The following LRRC4C variants were observed in gnomAD, a reference collection of about 807,000 sequenced individuals.
LRRC4C encodes the protein leucine-rich repeat-containing protein 4C.
A neutral mutation model predicts 33.6 loss-of-function variants in LRRC4C; 5 were observed. The observed-to-expected ratio is 0.15, with a 90% CI of 0.08 to 0.31. The LOEUF is 0.31. LRRC4C is among the 10% of genes least tolerant of loss of function. The probability of loss-of-function intolerance (pLI) is 1.00; values close to 1 mark genes in which losing one functional copy is unlikely to be tolerated. For synonymous variants in LRRC4C, 329 were observed against 302.0 expected (o/e 1.09, Z -0.93); for missense variants, 560 against 796.7 (o/e 0.70, Z 3.58).
At chr11:40,470,724 C>T (rs115417797) in intron 3 of LRRC4C, among the ~76,000 whole-genome samples, 2,531 of 152,094 alleles carry the variant, frequency 0.017, 87 homozygotes, top group African/African-American at 0.057. Context: ...CAGCACGAGA[C>T]CTTTGTGAAG....
rs34208575 is a variant in LRRC4C, at chr11:40,736,860, G to GT, written c.-406-88583dup. Among the ~76,000 whole-genome samples the GT allele has an allele frequency of 4.4e-3, 624 of 142,472 alleles. 5 individuals are homozygous for GT. Among genetic ancestry groups the GT allele is most frequent in the Non-Finnish European group, 6.6e-3 (429 of 65,454 alleles). 93.5% of individuals were successfully genotyped at this position (142,472 alleles called of 152,430 possible). ...ACTTTGCCCACTTTTTGATGCGGTT[G>GT]TTTTTTTTTTTTTTGTAAATTTGTT... On this transcript the variant is annotated intron_variant, in intron 2 of 6. Transcript: ENST00000528697.
intron 6 of LRRC4C, among the ~76,000 whole-genome samples, chr11:40,127,131 G>T (rs1856304420): frequency 6.6e-6 from 1 of 151,526 alleles, no homozygotes; most frequent in South Asian, 2.1e-4. Context: ...ACAAAAAGTA[G>T]CTGGGCATGG....
chr11:40,759,078 A>G (rs892524309), intron 2 of LRRC4C, among the ~76,000 whole-genome samples: 1 of 147,924 alleles, frequency 6.8e-6, no homozygotes, highest in Non-Finnish European at 1.5e-5. Context: ...GACACAGTTT[A>G]CATATATTAT....
chr11:41,116,272 G>A (rs530512327), intron 1 of LRRC4C, among the ~76,000 whole-genome samples: 2 of 152,124 alleles, frequency 1.3e-5, no homozygotes, highest in South Asian at 2.1e-4. Context: ...GAAGCCTCAG[G>A]TTTTTCAGCT....
At chr11:40,631,750 A>T (rs1963497885) in intron 3 of LRRC4C, among the ~76,000 whole-genome samples, 1 of 152,200 alleles carries the variant, frequency 6.6e-6, no homozygotes. Flanking sequence ...AAAGTAGTTT[A>T]ATTAGTATAG....
chr11:41,390,050 G>C lies in LRRC4C; in HGVS notation c.-496+69381C>G, dbSNP rs570340059. ...TCTGTTTTTATCCTGTTCTGAGTAT[G>C]TCTATCCAGAACTTGCATTTTAAAA... On this transcript the variant is annotated intron_variant, in intron 1 of 6. Transcript: ENST00000528697. Among the ~76,000 whole-genome samples the C allele has an allele frequency of 1.3e-3, 194 of 151,978 alleles. 1 individual carries two copies. Among genetic ancestry groups the C allele is most frequent in the African/African-American group, 4.5e-3 (186 of 41,510 alleles).
At chr11:41,024,173 C>T (rs1229268290) in intron 1 of LRRC4C, among the ~76,000 whole-genome samples, 2 of 151,490 alleles carry the variant, frequency 1.3e-5, no homozygotes, top group East Asian at 3.9e-4. Context: ...ATGTTAGTTT[C>T]CTCAACACTC....
rs1565274752 is a variant in LRRC4C, at chr11:40,987,681, T to TATATATATATG, written c.-495-53959_-495-53958insCATATATATAT. On this transcript the variant is annotated intron_variant, in intron 1 of 6. Transcript: ENST00000528697. ...ATATATATGAGATATAAATGATATA[T>TATATATATATG]ATATATATATCTCATATATATGAGA... 1.3e-3 allele frequency among the ~76,000 whole-genome samples: 97 copies of TATATATATATG among 74,628 alleles called. 5 individuals are homozygous for TATATATATATG. The highest frequency in any genetic ancestry group is 0.012 in the Admixed American group (88 of 7,134). The allele number at this position is 74,628 out of a possible 152,430, so 49.0% of individuals were successfully genotyped here.
chr11:40,953,651 A>G (rs1172698562), intron 1 of LRRC4C, among the ~76,000 whole-genome samples: 1 of 151,866 alleles, frequency 6.6e-6, no homozygotes, highest in African/African-American at 2.4e-5. Context: ...GATGTTCATT[A>G]CATCAAAAAT....
rs367655116 is a variant in LRRC4C at position 40,832,298 on chromosome 11, T to G, written c.-407+101337A>C. ...CATCATATATGCAGTCCATCATTGG[T>G]TGAAATGTCATTATGTGGTGCATGC... is the stretch of plus-strand genomic sequence containing the variant. On this transcript the variant is annotated intron_variant, in intron 2 of 6. Transcript: ENST00000528697. Among the ~76,000 whole-genome samples, 29 of 152,280 alleles carry G rather than the reference T, an allele frequency of 1.9e-4. No homozygotes were observed. The South Asian group carries it at 5.2e-3, about 27-fold the overall frequency.
At chr11:40,557,346 C>T (rs1481642109) in intron 3 of LRRC4C, among the ~76,000 whole-genome samples, 1 of 151,984 alleles carries the variant, frequency 6.6e-6, no homozygotes, top group Non-Finnish European at 1.5e-5. Context: ...TCTTCGAGTT[C>T]CTTGTATGAA....
chr11:40,785,583 G>T (rs533915834), intron 2 of LRRC4C, among the ~76,000 whole-genome samples: 2 of 152,208 alleles, frequency 1.3e-5, no homozygotes, highest in African/African-American at 4.8e-5. Context: ...TTATACATAG[G>T]AATCAGACAC....
At chr11:41,115,069 A>T (rs1423289756) in intron 1 of LRRC4C, among the ~76,000 whole-genome samples, 4 of 152,062 alleles carry the variant, frequency 2.6e-5, no homozygotes, top group African/African-American at 9.7e-5. Flanking sequence ...TTTCTCTCTG[A>T]TATATGCTTG....
chr11:41,202,789 T>A (rs976689952), intron 1 of LRRC4C, among the ~76,000 whole-genome samples: 36 of 86,576 alleles, frequency 4.2e-4, no homozygotes, highest in Admixed American at 1.5e-3. Context: ...TGAAAACCGA[T>A]TTTTTTTTTT....
At chr11:40,473,359 T>C (rs1214298595) in intron 3 of LRRC4C, among the ~76,000 whole-genome samples, 2 of 152,166 alleles carry the variant, frequency 1.3e-5, no homozygotes, top group African/African-American at 4.8e-5. Flanking sequence ...AACCACATGA[T>C]TATCTCAATA....
At chr11:40,870,778 A>G (rs1325165952) in intron 2 of LRRC4C, among the ~76,000 whole-genome samples, 1 of 152,178 alleles carries the variant, frequency 6.6e-6, no homozygotes, top group Non-Finnish European at 1.5e-5. Context: ...TTTGTAGAGC[A>G]TGTGTGTTTG....
At chr11:40,433,562 ATAGT>A (rs1951021443) in intron 3 of LRRC4C, among the ~76,000 whole-genome samples, 1 of 152,174 alleles carries the variant, frequency 6.6e-6, no homozygotes, top group Non-Finnish European at 1.5e-5. Context: ...AAAAAATTAG[ATAGT>A]TACTAACTCT....
chr11:41,178,223 C>T (rs1475909660), intron 1 of LRRC4C, among the ~76,000 whole-genome samples: 1 of 152,136 alleles, frequency 6.6e-6, no homozygotes, highest in East Asian at 1.9e-4. Context: ...TTCAAATATT[C>T]TTTGATAATG....
chr11:40,645,886 G>A (rs1397500761), intron 3 of LRRC4C, among the ~76,000 whole-genome samples: 1 of 152,074 alleles, frequency 6.6e-6, no homozygotes, highest in South Asian at 2.1e-4. Context: ...TTTTTCGGGG[G>A]ACACCCTCAC....
Sources: allele counts gnomAD v4.1 joint callset (sites outside exome capture counted in the v4.1 genomes callset), GRCh38; gene constraint gnomAD v4.1.1; transcripts MANE v1.5; gene names NCBI Gene and HGNC (gene_info 2026-07-23, HGNC 2026-07-21).